The following PTPRT variants were observed in gnomAD, a reference collection of about 807,000 sequenced individuals.
PTPRT encodes receptor-type tyrosine-protein phosphatase T.
Under a neutral mutation model 176.8 loss-of-function variants are expected in PTPRT, and 56 were observed. The observed-to-expected ratio is 0.32, with a 90% CI of 0.26 to 0.40. The LOEUF (loss-of-function observed/expected upper bound fraction) is 0.40. Ranked by LOEUF, PTPRT falls within the 10% of genes least tolerant of loss-of-function variation. The probability of loss-of-function intolerance (pLI) is 1.00; values close to 1 mark genes in which losing one functional copy is unlikely to be tolerated. For missense variants in PTPRT, 1,540 were observed against 1,908.2 expected (o/e 0.81, Z 3.60); for synonymous variants, 783 against 739.0 (o/e 1.06, Z -0.96).
intron 1 of PTPRT, among the ~76,000 whole-genome samples, chr20:42,898,029 GCCCATCATATCCCTTATAGATCATC>G (rs1258542136): frequency 6.6e-6 from 1 of 152,150 alleles, no homozygotes; most frequent in East Asian, 1.9e-4. Flanking sequence ...ATCTGAGTCT[GCCCATCATATCCCTTATAGATCATC>G]AGGGCTAATT....
downstream of PTPRT, among the ~76,000 whole-genome samples, chr20:42,070,338 C>G: frequency 6.6e-6 from 1 of 151,412 alleles, no homozygotes; most frequent in East Asian, 1.9e-4. Flanking sequence ...GTCTGACATG[C>G]GCTCACACTC....
chr20:42,065,804 G>C, the PTPRT span, among the ~76,000 whole-genome samples: 1 of 152,178 alleles, frequency 6.6e-6, no homozygotes, highest in Non-Finnish European at 1.5e-5. Flanking sequence ...GTGGATACTG[G>C]TGAACTCTAG....
intron 7 of PTPRT, among the ~76,000 whole-genome samples, chr20:42,481,010 G>A (rs1296875599): frequency 2.0e-5 from 3 of 151,114 alleles, no homozygotes; most frequent in African/African-American, 7.3e-5. Context: ...AATACTCTAA[G>A]GCAGAAGTAG....
At chr20:42,445,129 C>T (rs912194384) in intron 9 of PTPRT, among the ~76,000 whole-genome samples, 5 of 152,132 alleles carry the variant, frequency 3.3e-5, no homozygotes, top group South Asian at 2.1e-4. Flanking sequence ...CTATGGACCA[C>T]GCTAAGTTGC....
At chr20:42,669,942 G>C (rs1427953463) in intron 7 of PTPRT, among the ~76,000 whole-genome samples, 1 of 152,112 alleles carries the variant, frequency 6.6e-6, no homozygotes, top group Non-Finnish European at 1.5e-5. Flanking sequence ...TGAGACTAGA[G>C]ACAATTATAA....
At chr20:42,586,283 C>A (rs937878298) in intron 7 of PTPRT, among the ~76,000 whole-genome samples, 1 of 152,146 alleles carries the variant, frequency 6.6e-6, no homozygotes, top group Non-Finnish European at 1.5e-5. Flanking sequence ...CACACACAAG[C>A]CTGTTTCACC....
At chr20:42,038,184 C>A in the PTPRT span, among the ~76,000 whole-genome samples, 3 of 152,176 alleles carry the variant, frequency 2.0e-5, no homozygotes, top group African/African-American at 4.8e-5. Context: ...TATAAATGTG[C>A]TCTGCTTTAA....
intron 1 of PTPRT, among the ~76,000 whole-genome samples, chr20:43,086,487 G>A (rs1294326455): frequency 2.0e-5 from 3 of 152,138 alleles, no homozygotes; most frequent in Admixed American, 1.3e-4. Flanking sequence ...CTTTAACATC[G>A]ACAGCCAAAG....
intron 6 of PTPRT, among the ~76,000 whole-genome samples, chr20:42,722,153 G>A (rs79249302): frequency 6.6e-6 from 1 of 152,004 alleles, no homozygotes; most frequent in East Asian, 1.9e-4. Context: ...TCACCATATC[G>A]GGTCTATGAG....
At chr20:42,662,822 T>C (rs1293669253) in intron 7 of PTPRT, among the ~76,000 whole-genome samples, 1 of 75,104 alleles carries the variant, frequency 1.3e-5, no homozygotes, top group African/African-American at 6.1e-5. Context: ...AAAATGTCAA[T>C]GATTCACTAA....
intron 1 of PTPRT, among the ~76,000 whole-genome samples, chr20:43,135,896 A>T (rs1256909693): frequency 6.6e-6 from 1 of 152,232 alleles, no homozygotes; most frequent in Non-Finnish European, 1.5e-5. Context: ...CACATGGAAT[A>T]AATTTTAGAA....
chr20:42,611,490 G>T (rs2073975298), intron 7 of PTPRT, among the ~76,000 whole-genome samples: 1 of 152,166 alleles, frequency 6.6e-6, no homozygotes, highest in South Asian at 2.1e-4. Context: ...TGTCAAGGTT[G>T]CAAAGCTGGT....
At chr20:42,354,950 C>T (rs2058337581) in intron 9 of PTPRT, among the ~76,000 whole-genome samples, 2 of 151,948 alleles carry the variant, frequency 1.3e-5, no homozygotes, top group Admixed American at 1.3e-4. Flanking sequence ...CAAGCAGCAC[C>T]TGAGTGTGCA....
intron 1 of PTPRT, among the ~76,000 whole-genome samples, chr20:43,109,008 A>G (rs926102184): frequency 3.3e-5 from 5 of 152,182 alleles, no homozygotes; most frequent in Non-Finnish European, 7.3e-5. Context: ...CTACCCCATA[A>G]TAATTGGATG....
intron 16 of PTPRT, among the ~76,000 whole-genome samples, chr20:42,179,358 A>T (rs1316661213): frequency 6.6e-6 from 1 of 152,192 alleles, no homozygotes; most frequent in Non-Finnish European, 1.5e-5. Flanking sequence ...GTTTTCCAAG[A>T]TCTGATTTTT....
At chr20:43,119,590 G>C (rs575773017) in intron 1 of PTPRT, among the ~76,000 whole-genome samples, 1 of 152,178 alleles carries the variant, frequency 6.6e-6, no homozygotes, top group Non-Finnish European at 1.5e-5. Flanking sequence ...TTCAGACCCA[G>C]TTCCCAAGGA....
intron 1 of PTPRT, among the ~76,000 whole-genome samples, chr20:42,991,644 A>G (rs1983919697): frequency 6.6e-6 from 1 of 152,158 alleles, no homozygotes; most frequent in Non-Finnish European, 1.5e-5. Flanking sequence ...GATAGGAATG[A>G]TGGTTGCACA....
intron 18 of PTPRT, among the ~76,000 whole-genome samples, chr20:42,136,893 A>G (rs539274540): frequency 6.6e-6 from 1 of 152,292 alleles, no homozygotes; most frequent in South Asian, 2.1e-4. Flanking sequence ...TTGAGGCTTA[A>G]TTCGGCTGAG....
Position 42,856,352 on chromosome 20 carries a change from AG to A in PTPRT, c.214+29454del, listed in dbSNP as rs1462483263. Among the ~76,000 whole-genome samples the A allele has an allele frequency of 5.9e-5, 9 of 152,282 alleles. No homozygotes were observed. The East Asian group carries it at 9.7e-4, about 16-fold the overall frequency. On this transcript the variant is annotated intron_variant, in intron 2 of 30. Coordinates refer to ENST00000373187, the MANE Select transcript of PTPRT (RefSeq NM_007050.6). Reference sequence around the variant, plus strand: ...CCCCACTGATATAGTGGTCAAGTAGAGGGGGAAAAGTACAAGACTTAAAGGA... The same window carrying A: ...CCCCACTGATATAGTGGTCAAGTAGAGGGGAAAAGTACAAGACTTAAAGGA...
Sources: gnomAD v4.1 joint callset for allele counts (sites outside exome capture counted in the v4.1 genomes callset) on GRCh38, gnomAD v4.1.1 for gene constraint, MANE v1.5 for transcripts, NCBI Gene and HGNC (gene_info 2026-07-23, HGNC 2026-07-21) for gene names.